The following FRAS1 variants were observed in gnomAD, a reference collection of about 807,000 sequenced individuals.
FRAS1 encodes Fraser extracellular matrix complex subunit 1.
FRAS1 carries 290 observed loss-of-function variants against 435.2 expected under a neutral mutation model. The observed-to-expected ratio is 0.67, with a 90% CI of 0.61 to 0.73. The LOEUF is 0.73. FRAS1 is among the 30% of genes least tolerant of loss of function. The pLI is 0.00. For missense variants in FRAS1, 4,860 were observed against 5,001.5 expected, an observed-to-expected ratio of 0.97 and a Z score of 0.85; for synonymous variants, 1,800 against 1,851.0, an observed-to-expected ratio of 0.97 and a Z score of 0.71.
At chr4:78,495,514 A>T (rs183398051) in intron 59 of FRAS1, among the ~76,000 whole-genome samples, 2 of 152,250 alleles carry the variant, frequency 1.3e-5, no homozygotes, top group Non-Finnish European at 2.9e-5. Flanking sequence ...TGTCTTAGTT[A>T]TATATTTTAT....
chr4:78,282,889 G>A lies in FRAS1; in HGVS notation c.1177G>A (p.Glu393Lys), dbSNP rs376133490. Residue 393 changes from glutamate to lysine, a missense_variant, in exon 12 of 74, where the codon GAG (glutamate) becomes AAG (lysine). Physicochemically the swap from Glu to Lys is moderately conservative, Grantham distance 56. Transcript: ENST00000512123. Reference sequence around the variant, plus strand: ...CCGAGGGGCTCAGGTAACTTGCTACGAGCCCTCTTGCCCACCATGTCCAGT... The same window carrying A: ...CCGAGGGGCTCAGGTAACTTGCTACAAGCCCTCTTGCCCACCATGTCCAGT... The part of the protein sequence containing the change: ...ECRGAQVTCY[E>K]PSCPPCPVGT... The A allele has an allele frequency of 2.0e-5, 33 of 1,612,420 alleles. No individual in the cohort carries two copies. The African/African-American group carries it at 2.3e-4, about 11-fold the overall frequency.
chr4:78,192,041 C>G (rs1722560857), intron 2 of FRAS1, among the ~76,000 whole-genome samples: 1 of 151,988 alleles, frequency 6.6e-6, no homozygotes, highest in African/African-American at 2.4e-5. Context: ...ATTTATAATC[C>G]TTTGGGTATG....
rs1444392549 is a variant in FRAS1 at position 78,541,244 on chromosome 4, C to T, written c.*120C>T. 2 of 547,198 alleles carry T rather than the reference C, an allele frequency of 3.7e-6. No individual in the cohort carries two copies. Among genetic ancestry groups the T allele is most frequent in the Non-Finnish European group, 5.8e-6 (2 of 343,122 alleles). 33.9% of individuals were successfully genotyped at this position (547,198 alleles called of 1,614,324 possible). Reference sequence around the variant, plus strand: ...AACTATAGCTTTGAGTGGCAGACAGCACACATCACATGCATCAACTCACAA... The same window carrying T: ...AACTATAGCTTTGAGTGGCAGACAGTACACATCACATGCATCAACTCACAA... On this transcript the variant is annotated 3_prime_UTR_variant, in exon 74 of 74. Coordinates refer to ENST00000512123, the MANE Select transcript of FRAS1 (RefSeq NM_025074.7).
intron 18 of FRAS1, among the ~76,000 whole-genome samples, 170 bp downstream of exon 18, chr4:78,319,156 C>A (rs762244367): frequency 5.3e-5 from 8 of 152,214 alleles, no homozygotes; most frequent in Non-Finnish European, 8.8e-5. Flanking sequence ...CACCAATAGC[C>A]TCCCTCCCTT....
chr4:78,508,158 G>A (rs1264959242), intron 62 of FRAS1, among the ~76,000 whole-genome samples: 1 of 152,180 alleles, frequency 6.6e-6, no homozygotes, highest in Non-Finnish European at 1.5e-5. Flanking sequence ...TAGAATGAAT[G>A]CACTGTCCTT....
chr4:78,529,637 C>T (rs528501577), intron 70 of FRAS1, among the ~76,000 whole-genome samples: 2 of 152,272 alleles, frequency 1.3e-5, no homozygotes, highest in Non-Finnish European at 2.9e-5. Flanking sequence ...CCAAGAGCCC[C>T]AGTGGGTGCC....
At chr4:78,484,067 C>G (rs1444358354) in intron 58 of FRAS1, among the ~76,000 whole-genome samples, 2 of 151,960 alleles carry the variant, frequency 1.3e-5, no homozygotes, top group African/African-American at 4.8e-5. Context: ...TCCTTAGTCA[C>G]CAGCCCTGAA....
At chr4:78,396,001 C>T (rs1416726129) in intron 29 of FRAS1, among the ~76,000 whole-genome samples, 1 of 151,624 alleles carries the variant, frequency 6.6e-6, no homozygotes, top group Non-Finnish European at 1.5e-5. Flanking sequence ...ATTTATTTCT[C>T]TTTATTTTTT....
chr4:78,400,980 C>T, intron 30 of FRAS1, 93 bp downstream of exon 30: 1 of 1,164,442 alleles, frequency 8.6e-7, no homozygotes, highest in Non-Finnish European at 1.2e-6. Context: ...ATTGCAATTC[C>T]AATGAACTGA....
rs1726131963 is a variant in FRAS1 at position 78,262,022 on chromosome 4, G to C, written c.604-3003G>C. Among the ~76,000 whole-genome samples, 3 of 152,148 alleles carry C rather than the reference G, an allele frequency of 2.0e-5. No individual in the cohort carries two copies. The South Asian group carries it at 6.2e-4, about 32-fold the overall frequency. ...TATAGTCACTGCTTGAAAGCTGCAAGGGTAAGTAGATTTATAGCCAGATGC... is the reference window on the plus strand; with the variant it reads ...TATAGTCACTGCTTGAAAGCTGCAACGGTAAGTAGATTTATAGCCAGATGC... On this transcript the variant is annotated intron_variant, in intron 6 of 73. Coordinates refer to ENST00000512123, the MANE Select transcript of FRAS1 (RefSeq NM_025074.7).
chr4:78,087,290 T>C (rs568550046), intron 2 of FRAS1, among the ~76,000 whole-genome samples: 21 of 152,000 alleles, frequency 1.4e-4, no homozygotes, highest in East Asian at 1.2e-3. Flanking sequence ...TAATAAGAGC[T>C]ATCTATGACA....
chr4:78,318,745 A>C, intron 17 of FRAS1, 65 bp from the exon 18 acceptor site: 1 of 1,463,456 alleles, frequency 6.8e-7, no homozygotes, highest in Non-Finnish European at 9.2e-7. Flanking sequence ...GGTTTGATTT[A>C]ATGAAAGATT....
intron 31 of FRAS1, among the ~76,000 whole-genome samples, chr4:78,410,344 G>C (rs1259423221): frequency 1.3e-5 from 2 of 151,510 alleles, no homozygotes; most frequent in African/African-American, 4.8e-5. Flanking sequence ...AGACTACCCT[G>C]TCCATTGGAG....
intron 2 of FRAS1, among the ~76,000 whole-genome samples, chr4:78,231,674 T>A (rs1394515880): frequency 6.6e-6 from 1 of 152,122 alleles, no homozygotes; most frequent in Non-Finnish European, 1.5e-5. Flanking sequence ...ATTCTATAAA[T>A]AATCCCCCCC....
At chr4:78,097,032 C>T (rs1401497658) in intron 2 of FRAS1, among the ~76,000 whole-genome samples, 1 of 152,216 alleles carries the variant, frequency 6.6e-6, no homozygotes, top group African/African-American at 2.4e-5. Context: ...ACCCAACTCA[C>T]ATCTTTAATG....
chr4:78,443,419 TA>T (rs1479438170), intron 41 of FRAS1, among the ~76,000 whole-genome samples: 1 of 152,204 alleles, frequency 6.6e-6, no homozygotes, highest in East Asian at 1.9e-4. Context: ...AACATCTTTT[TA>T]AAAACTGTTA....
chr4:78,090,621 G>A (rs572219454), intron 2 of FRAS1, among the ~76,000 whole-genome samples: 10 of 152,204 alleles, frequency 6.6e-5, no homozygotes, highest in African/African-American at 2.4e-4. Flanking sequence ...ACTCATCTGT[G>A]CTCGAGATCA....
At position 78,156,700 on chromosome 4, in the gene FRAS1, G is replaced by A. The variant is rs1331010085; in HGVS notation, c.109-80810G>A. ...CTTTCTTGGGGCCTTTCAGATGACT[G>A]AATTGAATGATTCTAAGTGTTACGC... On this transcript the variant is annotated intron_variant, in intron 2 of 73. Transcript: ENST00000512123. Among the ~76,000 whole-genome samples the A allele has an allele frequency of 2.0e-5, 3 of 152,276 alleles. No homozygotes were observed. In the East Asian group the frequency reaches 5.8e-4, roughly 29 times the overall value.
chr4:78,122,056 C>T (rs768449693), intron 2 of FRAS1, among the ~76,000 whole-genome samples: 1 of 152,120 alleles, frequency 6.6e-6, no homozygotes, highest in Non-Finnish European at 1.5e-5. Context: ...TATACACGTG[C>T]CATGGTGGTT....
Sources: allele counts gnomAD v4.1 joint callset (sites outside exome capture counted in the v4.1 genomes callset), GRCh38; gene constraint gnomAD v4.1.1; transcripts MANE v1.5; gene names NCBI Gene and HGNC (gene_info 2026-07-23, HGNC 2026-07-21).